Variants in LOC128462377 observed in about 807,000 individuals in gnomAD.
the LOC128462377 span, among the ~76,000 whole-genome samples, chr16:89,383,183 G>A: frequency 5.3e-5 from 8 of 152,304 alleles, no homozygotes; most frequent in East Asian, 9.6e-4. Context: ...TAAAGGGAGC[G>A]GTGCGAGGTC....
chr16:89,376,021 A>G, the LOC128462377 span, among the ~76,000 whole-genome samples: 3 of 152,202 alleles, frequency 2.0e-5, no homozygotes, highest in Non-Finnish European at 4.4e-5. Context: ...GGCCATCACA[A>G]AAAAAGAACA....
chr16:89,367,445 G>A, the LOC128462377 span, among the ~76,000 whole-genome samples: 20 of 152,098 alleles, frequency 1.3e-4, no homozygotes, highest in Admixed American at 3.3e-4. Context: ...GCTCTCAAAC[G>A]ACCGGGAGTC....
At chr16:89,353,602 C>G in the LOC128462377 span, among the ~76,000 whole-genome samples, 10 of 151,904 alleles carry the variant, frequency 6.6e-5, no homozygotes, top group Admixed American at 6.6e-4. Context: ...CTCAGCCTCC[C>G]TAGTAGCTGG....
chr16:89,332,384 C>G, the LOC128462377 span, among the ~76,000 whole-genome samples: 1 of 152,162 alleles, frequency 6.6e-6, no homozygotes, highest in South Asian at 2.1e-4. Flanking sequence ...AAACACTGAG[C>G]CCCCCAAGTC....
chr16:89,413,177 C>A, the LOC128462377 span, among the ~76,000 whole-genome samples: 1 of 152,166 alleles, frequency 6.6e-6, no homozygotes, highest in South Asian at 2.1e-4. Flanking sequence ...TTTAAAGATG[C>A]CTAGCCACAG....
At chr16:89,347,048 G>A in the LOC128462377 span, among the ~76,000 whole-genome samples, 1 of 152,204 alleles carries the variant, frequency 6.6e-6, no homozygotes, top group East Asian at 1.9e-4. Flanking sequence ...AGAAGGCTCT[G>A]CTGGGCGAAA....
chr16:89,364,671 T>C, the LOC128462377 span, among the ~76,000 whole-genome samples: 1 of 151,548 alleles, frequency 6.6e-6, no homozygotes, highest in African/African-American at 2.4e-5. Context: ...TAGAAAAAAA[T>C]CTCATAACGT....
chr16:89,354,891 A>G, the LOC128462377 span, among the ~76,000 whole-genome samples: 2 of 152,104 alleles, frequency 1.3e-5, no homozygotes, highest in Admixed American at 6.5e-5. Flanking sequence ...TCTCAAACAA[A>G]CAAAGGCTGT....
chr16:89,412,334 A>C, the LOC128462377 span: 1 of 107,120 alleles, frequency 9.3e-6, no homozygotes, highest in African/African-American at 3.7e-5. Context: ...CCCTCCCCTC[A>C]GCCAGGTACT....
chr16:89,349,340 C>T, the LOC128462377 span, among the ~76,000 whole-genome samples: 3 of 149,818 alleles, frequency 2.0e-5, no homozygotes, highest in Non-Finnish European at 4.4e-5. Flanking sequence ...ATTAGCCGGG[C>T]GTGGTGGCGG....
the LOC128462377 span, among the ~76,000 whole-genome samples, chr16:89,417,642 T>G: frequency 2.6e-5 from 4 of 152,194 alleles, no homozygotes; most frequent in Admixed American, 2.0e-4. Flanking sequence ...AAAGCCAGAA[T>G]AGCCATCTAG....
chr16:89,375,441 G>C, the LOC128462377 span, among the ~76,000 whole-genome samples: 7 of 148,134 alleles, frequency 4.7e-5, no homozygotes, highest in East Asian at 1.2e-3. Context: ...CTCCCGCCCA[G>C]GCAACACAGC....
At chr16:89,332,204 T>C in the LOC128462377 span, among the ~76,000 whole-genome samples, 1 of 151,920 alleles carries the variant, frequency 6.6e-6, no homozygotes, top group African/African-American at 2.4e-5. Flanking sequence ...CTTCCTTACG[T>C]ATTAAAGAAT....
chr16:89,371,179 T>C, the LOC128462377 span, among the ~76,000 whole-genome samples: 1 of 151,980 alleles, frequency 6.6e-6, no homozygotes. Flanking sequence ...ACCAAGGAAG[T>C]GCCAGAAAAA....
the LOC128462377 span, among the ~76,000 whole-genome samples, chr16:89,367,376 C>T: frequency 0.029 from 4,426 of 152,318 alleles, 144 homozygotes; most frequent in African/African-American, 0.074. Context: ...CCACTGCTTC[C>T]ACTGGGGAAA....
At chr16:89,398,355 A>G in the LOC128462377 span, among the ~76,000 whole-genome samples, 10,864 of 67,126 alleles carry the variant, frequency 0.16, 2,191 homozygotes, top group African/African-American at 0.46. Flanking sequence ...TCAGCACTCT[A>G]GGAGGCTGAC....
chr16:89,327,285 T>C, the LOC128462377 span, among the ~76,000 whole-genome samples: 769 of 152,142 alleles, frequency 5.1e-3, 5 homozygotes, highest in African/African-American at 0.018. Flanking sequence ...TAAAAATTCC[T>C]AGGAAAACAG....
At chr16:89,337,977 C>T in the LOC128462377 span, among the ~76,000 whole-genome samples, 3 of 152,346 alleles carry the variant, frequency 2.0e-5, no homozygotes, top group African/African-American at 2.4e-5. Flanking sequence ...CACTGTCCCA[C>T]GGGTGACAAG....
At chr16:89,337,429 C>CTTTTTTTTTTTTTTT in the LOC128462377 span, among the ~76,000 whole-genome samples, 50 of 53,130 alleles carry the variant, frequency 9.4e-4, 12 homozygotes, top group Non-Finnish European at 1.1e-3. Flanking sequence ...CTAAGCAATT[C>CTTTTTTTTTTTTTTT]TTTTTTTTTT....
Sources: gnomAD v4.1 joint callset for allele counts (sites outside exome capture counted in the v4.1 genomes callset) on GRCh38, gnomAD v4.1.1 for gene constraint, MANE v1.5 for transcripts.